The following DENND2A variants were observed in gnomAD, a reference collection of about 807,000 sequenced individuals.
The protein encoded by DENND2A is DENN domain containing 2A, also known as DENN domain-containing protein 2A.
A neutral mutation model predicts 105.3 loss-of-function variants in DENND2A; 53 were observed. That is an observed-to-expected ratio of 0.50 (90% CI 0.40 to 0.63). DENND2A has a LOEUF of 0.63. Ranked by LOEUF, DENND2A falls within the 30% of genes least tolerant of loss-of-function variation. The pLI is 0.00. For synonymous variants in DENND2A, 522 were observed against 508.4 expected (o/e 1.03, Z -0.36); for missense variants, 1,138 against 1,279.6 (o/e 0.89, Z 1.69).
chr7:140,587,274 T>G (rs1225689795), intron 4 of DENND2A, among the ~76,000 whole-genome samples: 1 of 152,220 alleles, frequency 6.6e-6, no homozygotes, highest in Non-Finnish European at 1.5e-5. Flanking sequence ...ATCCTCATTA[T>G]GCAGATGGGA....
chr7:140,576,376 C>A (rs1172612960), intron 5 of DENND2A, among the ~76,000 whole-genome samples: 2 of 152,068 alleles, frequency 1.3e-5, no homozygotes, highest in Admixed American at 1.3e-4. Flanking sequence ...ATTCCATTTT[C>A]TTCCAGATTT....
In DENND2A at chr7:140,522,044, C is replaced by T. The variant is rs776812553; in HGVS notation, c.2722G>A (p.Val908Met). ...VVSEAFVRFF[V>M]EIVGHYSLFL... ...AAAGAGTAGTGTCCCACAATCTCCA[C>T]GAAGAAGCGGACAAAGGCTTCAGAC... Residue 908 changes from valine to methionine, a missense_variant, in exon 18 of 20, where the codon GTG (valine) becomes ATG (methionine). Physicochemically the swap from Val to Met is conservative, Grantham distance 21 (BLOSUM62 1). Coordinates refer to ENST00000496613, the MANE Select transcript of DENND2A (RefSeq NM_015689.5). 21 of 1,614,170 alleles carry T rather than the reference C, an allele frequency of 1.3e-5. No individual in the cohort carries two copies. The Admixed American group carries it at 1.3e-4, about 10-fold the overall frequency.
At chr7:140,638,771 C>T (rs921998300) in intron 1 of DENND2A, among the ~76,000 whole-genome samples, 2 of 152,202 alleles carry the variant, frequency 1.3e-5, no homozygotes, top group Admixed American at 6.5e-5. Context: ...CTTGGTGAGG[C>T]GGTTTTCAGG....
intron 5 of DENND2A, among the ~76,000 whole-genome samples, chr7:140,575,362 C>T (rs1466965940): frequency 6.6e-6 from 1 of 152,188 alleles, no homozygotes; most frequent in African/African-American, 2.4e-5. Flanking sequence ...CCCACACTGT[C>T]ATACAGGGTT....
upstream of DENND2A, chr7:140,640,915 G>T (rs948167117): frequency 6.6e-6 from 1 of 151,932 alleles, no homozygotes; most frequent in Non-Finnish European, 1.5e-5. This position sits in a 1 kb window ranked among gnomAD's most constrained non-coding sequence, Gnocchi z 4.9. Context: ...CCTCTCCCAG[G>T]GCCCGGCCCC....
Position 140,569,741 on chromosome 7 carries a change from G to A in DENND2A, c.1447-3C>T, listed in dbSNP as rs1171311179. The A allele has an allele frequency of 6.2e-7, 1 of 1,606,234 alleles. No individual in the cohort carries two copies. Among genetic ancestry groups the A allele is most frequent in the Non-Finnish European group, 8.5e-7 (1 of 1,173,084 alleles). ...ATGGCGTTGATTCGCAACACCAGCT[G>A]CCAGACACCAGGAGAAGAACAGCCA... On this transcript the variant is annotated splice_region_variant and splice_polypyrimidine_tract_variant and intron_variant, in intron 6 of 19. Transcript: ENST00000496613.
At chr7:140,634,426 C>T (rs1056544526) in intron 1 of DENND2A, among the ~76,000 whole-genome samples, 1 of 152,090 alleles carries the variant, frequency 6.6e-6, no homozygotes, top group Non-Finnish European at 1.5e-5. Flanking sequence ...TTCCTTAACC[C>T]AATTGTACCC....
chr7:140,597,358 G>C (rs1486315427), intron 3 of DENND2A, among the ~76,000 whole-genome samples: 1 of 152,168 alleles, frequency 6.6e-6, no homozygotes, highest in African/African-American at 2.4e-5. Flanking sequence ...CCCTCAAAGA[G>C]GGTGGTGCGT....
chr7:140,531,597 A>AGATC (rs1796266392), intron 14 of DENND2A, among the ~76,000 whole-genome samples: 1 of 147,656 alleles, frequency 6.8e-6, no homozygotes, highest in African/African-American at 2.6e-5. Context: ...TCAGGAGTTC[A>AGATC]AGGCTATACT....
rs1341294882 is a variant in DENND2A, at chr7:140,587,678, C to T, written c.1098G>A (p.Glu366=). Residue 366 remains glutamate (E), a synonymous_variant, in exon 4 of 20, where the codon GAG becomes GAA. Coordinates refer to ENST00000496613, the MANE Select transcript of DENND2A (RefSeq NM_015689.5). ...TKLGLTRTLS[E]ENVYEDILDP... ...CTAGAATGTCTTCATAGACGTTCTC[C>T]TCCGATAAAGTGCGTGTCAGCCCCA... is the stretch of plus-strand genomic sequence containing the variant. The T allele has an allele frequency of 1.2e-6, 2 of 1,613,910 alleles. No homozygotes were observed. The highest frequency in any genetic ancestry group is 1.3e-5 in the African/African-American group (1 of 74,904).
chr7:140,611,695 A>G (rs1166284804), intron 1 of DENND2A, among the ~76,000 whole-genome samples: 1 of 152,230 alleles, frequency 6.6e-6, no homozygotes, highest in East Asian at 1.9e-4. Flanking sequence ...AACCTACTAC[A>G]TGAAGGAAGC....
intron 1 of DENND2A, among the ~76,000 whole-genome samples, chr7:140,635,716 G>A (rs190765251): frequency 1.3e-5 from 2 of 152,310 alleles, no homozygotes; most frequent in African/African-American, 4.8e-5. Flanking sequence ...TTGGAAGAGT[G>A]GGTCTCAGGC....
In DENND2A at chr7:140,585,627, C is replaced by G; in HGVS notation, c.1207G>C (p.Ala403Pro). The G allele has an allele frequency of 6.2e-7, 1 of 1,614,152 alleles. No individual in the cohort carries two copies. The highest frequency in any genetic ancestry group is 1.1e-5 in the South Asian group (1 of 91,084). ...LGKKCVLNFP[A>P]SPTSSIPDTL... is the part of the protein sequence containing the mutation. ...TCAGGGATGGAAGAGGTGGGAGAAG[C>G]AGGAAAATTCAAGACACACTTCTTT... The change falls in exon 5 of 20, where the codon GCT (alanine) becomes CCT (proline). Residue 403 changes from alanine to proline, a missense_variant. Transcript: ENST00000496613.
chr7:140,639,845 T>A (rs1365721393), intron 1 of DENND2A, among the ~76,000 whole-genome samples: 1 of 152,144 alleles, frequency 6.6e-6, no homozygotes, highest in African/African-American at 2.4e-5. Context: ...AGGCCCCCCA[T>A]GACAAGATTC....
At chr7:140,593,136 A>AACC (rs1159748199) in intron 3 of DENND2A, among the ~76,000 whole-genome samples, 2 of 152,234 alleles carry the variant, frequency 1.3e-5, no homozygotes, top group Non-Finnish European at 2.9e-5. Context: ...AATGAACGAT[A>AACC]ACCACATCCA....
chr7:140,636,253 C>T (rs1292204338), intron 1 of DENND2A, among the ~76,000 whole-genome samples: 2 of 152,104 alleles, frequency 1.3e-5, no homozygotes, highest in African/African-American at 4.8e-5. Context: ...AGGCGCTGCA[C>T]AATGAACCCA....
chr7:140,558,114 C>T, intron 11 of DENND2A, 29 bp downstream of exon 11: 2 of 1,605,106 alleles, frequency 1.2e-6, no homozygotes, highest in Non-Finnish European at 1.7e-6. Context: ...CCACGAGGCT[C>T]TTGCAGGCTG....
chr7:140,525,381 C>T (rs1796021551), intron 16 of DENND2A, among the ~76,000 whole-genome samples: 1 of 152,076 alleles, frequency 6.6e-6, no homozygotes, highest in Admixed American at 6.6e-5. Flanking sequence ...TCTCGAACTC[C>T]TGACCTCAGG....
chr7:140,626,539 CGTAGGTCACGTTCGTTT>C (rs1279926471), intron 1 of DENND2A, among the ~76,000 whole-genome samples: 1 of 152,186 alleles, frequency 6.6e-6, no homozygotes, highest in East Asian at 1.9e-4. Context: ...GGAATGCACC[CGTAGGTCACGTTCGTTT>C]GCTTGCTTCC....
Sources: gnomAD v4.1 joint callset for allele counts (sites outside exome capture counted in the v4.1 genomes callset) on GRCh38, gnomAD v4.1.1 for gene constraint, Gnocchi (gnomAD v3.1) non-coding constraint, MANE v1.5 for transcripts, NCBI Gene and HGNC (gene_info 2026-07-23, HGNC 2026-07-21) for gene names.